Variants in TPPP observed in about 807,000 individuals in gnomAD.
TPPP encodes the protein tubulin polymerization promoting protein, also known as tubulin polymerization-promoting protein.
In TPPP, 6 loss-of-function variants were observed where a neutral mutation model predicts 15.5. The ratio of observed to expected loss-of-function variants is 0.39; its 90% CI spans 0.21 to 0.77. The LOEUF (loss-of-function observed/expected upper bound fraction) is 0.77, where lower values mean the gene tolerates loss of function less well. TPPP is among the 30% of genes least tolerant of loss of function. TPPP has a pLI of 0.42. For missense variants in TPPP, 269 were observed against 307.2 expected (o/e 0.88, Z 0.93); for synonymous variants, 146 against 133.9 (o/e 1.09, Z -0.63).
Position 664,228 on chromosome 5 carries a change from G to A in TPPP, c.*874C>T, listed in dbSNP as rs1234474532. On this transcript the variant is annotated 3_prime_UTR_variant, in exon 4 of 4. Coordinates refer to ENST00000360578, the MANE Select transcript of TPPP (RefSeq NM_007030.3). ...CGGGCGAACGGGAGGGCCGGGCAGA[G>A]GCTCTGTCACGCGGTGAGGCGAGGA... 6.6e-6 allele frequency: 1 copy of A among 152,654 alleles called. No homozygotes were observed. The highest frequency in any genetic ancestry group is 1.5e-5 in the Non-Finnish European group (1 of 68,262). The allele number at this position is 152,654 out of a possible 1,614,324, so 9.5% of individuals were successfully genotyped here. A position where few individuals can be genotyped will look rare whatever the true frequency, so the allele number is the denominator to read the frequency against.
chr5:670,760 A>C (rs1740192412), intron 2 of TPPP, among the ~76,000 whole-genome samples: 1 of 152,154 alleles, frequency 6.6e-6, no homozygotes, highest in Non-Finnish European at 1.5e-5. Flanking sequence ...CCCCAGCAAG[A>C]TACAGAGGAC....
chr5:678,527 G>C (rs1318037492), intron 1 of TPPP, among the ~76,000 whole-genome samples: 2 of 143,018 alleles, frequency 1.4e-5, no homozygotes, highest in Admixed American at 1.3e-4. Flanking sequence ...CCCAGGGTCT[G>C]TGACGTGCTG....
chr5:688,440 G>A (rs1374194160), intron 1 of TPPP, among the ~76,000 whole-genome samples: 6 of 151,128 alleles, frequency 4.0e-5, no homozygotes, highest in Admixed American at 6.6e-5. Flanking sequence ...TGCCCACCAC[G>A]TGGCTTCTGG....
At chr5:681,669 C>G (rs930426963) in intron 1 of TPPP, among the ~76,000 whole-genome samples, 2 of 151,062 alleles carry the variant, frequency 1.3e-5, no homozygotes, top group Admixed American at 1.3e-4. Flanking sequence ...GAGCCCACCC[C>G]ACTCCCACCC....
chr5:700,539 T>C, the TPPP span, among the ~76,000 whole-genome samples: 6 of 151,996 alleles, frequency 3.9e-5, no homozygotes, highest in Admixed American at 1.3e-4. Context: ...GTCACCACTA[T>C]GCAATATATG....
upstream of TPPP, among the ~76,000 whole-genome samples, chr5:694,264 T>C (rs1740977992): frequency 6.6e-6 from 1 of 151,478 alleles, no homozygotes; most frequent in Middle Eastern, 3.4e-3. Flanking sequence ...GACAGGGCGG[T>C]TCTGTGGTGC....
chr5:668,254 CGGA>C lies in TPPP; in HGVS notation c.312-2134_312-2132del, dbSNP rs1740023355. Among the ~76,000 whole-genome samples the C allele has an allele frequency of 2.6e-4, 17 of 64,798 alleles. 1 individual carries two copies. Among genetic ancestry groups the C allele is most frequent in the African/African-American group, 2.0e-3 (16 of 8,118 alleles). The allele number at this position is 64,798 out of a possible 152,430, so 42.5% of individuals were successfully genotyped here. On this transcript the variant is annotated intron_variant, in intron 2 of 3. Coordinates refer to ENST00000360578, the MANE Select transcript of TPPP (RefSeq NM_007030.3). ...CCGTGTGGGCGCCGTCAGGGAAGTG[CGGA>C]CAAGCACACGGAGAGGGGTCCGCGT...
rs1740482959 is a variant in TPPP, at chr5:677,280, A to G, written c.311+470T>C. Among the ~76,000 whole-genome samples, 3 of 152,166 alleles carry G rather than the reference A, an allele frequency of 2.0e-5. No homozygotes were observed. The South Asian group carries it at 6.2e-4, about 31-fold the overall frequency. On this transcript the variant is annotated intron_variant, in intron 2 of 3. Transcript: ENST00000360578. ...CACAAGCATCCAACCTCTGAGACTC[A>G]GCCGCTGAGCCAGCCCACAGAGGGT...
At position 663,255 on chromosome 5, in the gene TPPP, G is replaced by C. The variant is rs1393554271; in HGVS notation, c.*1847C>G. 6.6e-6 allele frequency: 1 copy of C among 152,344 alleles called. No individual in the cohort carries two copies. The highest frequency in any genetic ancestry group is 2.4e-5 in the African/African-American group (1 of 41,442). 9.4% of individuals were successfully genotyped at this position (152,344 alleles called of 1,614,324 possible). ...CGCACATTCAGAGTTGTTTTCAAAT[G>C]TTTCCGCACGTTAGTTCTGCCTTTC... On this transcript the variant is annotated 3_prime_UTR_variant, in exon 4 of 4. Transcript: ENST00000360578.
Position 677,912 on chromosome 5 carries a change from G to C in TPPP, c.149C>G (p.Ala50Gly). ...EGAAASPELS[A>G]LEEAFRRFAV... is the part of the protein sequence containing the mutation. ...AAAGCGCCGGAAGGCCTCCTCCAGGGCACTGAGCTCAGGGGATGCGGCTGC... is the reference window on the plus strand; with the variant it reads ...AAAGCGCCGGAAGGCCTCCTCCAGGCCACTGAGCTCAGGGGATGCGGCTGC... The change falls in exon 2 of 4, where the codon GCC becomes GGC. Residue 50 changes from alanine (A) to glycine (G), a missense_variant. Transcript: ENST00000360578. The C allele has an allele frequency of 1.9e-6, 3 of 1,612,784 alleles. No individual in the cohort carries two copies. Among genetic ancestry groups the C allele is most frequent in the Non-Finnish European group, 2.5e-6 (3 of 1,179,860 alleles).
chr5:671,853 G>C (rs558790324), intron 2 of TPPP, among the ~76,000 whole-genome samples: 4 of 152,228 alleles, frequency 2.6e-5, no homozygotes, highest in African/African-American at 9.6e-5. Context: ...AGCAATGGAG[G>C]GACAGGGTTG....
chr5:684,527 G>A (rs1281170494), intron 1 of TPPP, among the ~76,000 whole-genome samples: 1 of 151,984 alleles, frequency 6.6e-6, no homozygotes, highest in Non-Finnish European at 1.5e-5. Context: ...TCTCACAGCG[G>A]AAGGAGTGGA....
At chr5:673,555 C>T (rs972819731) in intron 2 of TPPP, among the ~76,000 whole-genome samples, 11 of 152,178 alleles carry the variant, frequency 7.2e-5, no homozygotes, top group Admixed American at 2.6e-4. Context: ...ATCTCCCACA[C>T]GGCGCCCACT....
At chr5:682,746 C>T (rs181746078) in intron 1 of TPPP, among the ~76,000 whole-genome samples, 4,750 of 152,248 alleles carry the variant, frequency 0.031, 100 homozygotes, top group African/African-American at 0.066. Context: ...TCACTGCCCA[C>T]GCCCACGCGG....
Position 661,535 on chromosome 5 carries a change from G to A in TPPP, c.*3567C>T, listed in dbSNP as rs1739608027. The A allele has an allele frequency of 6.6e-6, 1 of 152,402 alleles. No individual in the cohort carries two copies. The highest frequency in any genetic ancestry group is 2.4e-5 in the African/African-American group (1 of 41,450). The allele number at this position is 152,402 out of a possible 1,614,324, so 9.4% of individuals were successfully genotyped here. ...ATTCACAAATACACATTTATTTTCTGTTGAACCGTGGTTAGTAGAAGCTAA... is the reference window on the plus strand; with the variant it reads ...ATTCACAAATACACATTTATTTTCTATTGAACCGTGGTTAGTAGAAGCTAA... On this transcript the variant is annotated 3_prime_UTR_variant, in exon 4 of 4. Coordinates refer to ENST00000360578, the MANE Select transcript of TPPP (RefSeq NM_007030.3).
chr5:693,376 C>G (rs1459049355), upstream of TPPP: 1 of 147,564 alleles, frequency 6.8e-6, no homozygotes, highest in Non-Finnish European at 1.5e-5. Flanking sequence ...CGCGCCCGCC[C>G]GTCCCGCCCA....
chr5:667,566 C>T (rs1051221787), intron 2 of TPPP, among the ~76,000 whole-genome samples: 5 of 151,954 alleles, frequency 3.3e-5, no homozygotes, highest in Non-Finnish European at 7.3e-5. Context: ...ATGAACTAGA[C>T]TTCATCAAAA....
intron 2 of TPPP, among the ~76,000 whole-genome samples, chr5:671,626 G>A (rs1047708867): frequency 2.0e-5 from 3 of 152,212 alleles, no homozygotes; most frequent in East Asian, 3.9e-4. Flanking sequence ...CGGCCTGCAG[G>A]GTACAGGAGC....
intron 2 of TPPP, among the ~76,000 whole-genome samples, chr5:669,911 T>C (rs1740147071): frequency 6.6e-6 from 1 of 152,118 alleles, no homozygotes. Context: ...AGTGGGCCTG[T>C]CCTCCAGAGA....
Sources: allele counts gnomAD v4.1 joint callset (sites outside exome capture counted in the v4.1 genomes callset), GRCh38; gene constraint gnomAD v4.1.1; transcripts MANE v1.5; gene names NCBI Gene and HGNC (gene_info 2026-07-23, HGNC 2026-07-21).